Variants in PLCG2 observed in about 807,000 individuals in gnomAD.
PLCG2 encodes the protein phospholipase C gamma 2.
Under a neutral mutation model 175.6 loss-of-function variants are expected in PLCG2, and 69 were observed. That is an observed-to-expected ratio of 0.39 (90% CI 0.32 to 0.48). PLCG2 has a LOEUF of 0.48. Among genes scored for constraint, PLCG2 ranks in the 20% least tolerant of loss-of-function variants. The pLI, the probability that PLCG2 is intolerant of heterozygous loss-of-function variation, is 0.91. For missense variants in PLCG2, 1,798 were observed against 1,650.9 expected (o/e 1.09, Z -1.54); for synonymous variants, 827 against 624.0 (o/e 1.33, Z -4.85).
At chr16:81,902,909 A>C (rs1300689838) in intron 14 of PLCG2, among the ~76,000 whole-genome samples, 1 of 152,190 alleles carries the variant, frequency 6.6e-6, no homozygotes, top group African/African-American at 2.4e-5. Flanking sequence ...TTATAAAACC[A>C]GATCTCATGA....
chr16:81,853,197 G>T (rs1906506877), intron 2 of PLCG2, among the ~76,000 whole-genome samples: 1 of 152,150 alleles, frequency 6.6e-6, no homozygotes, highest in East Asian at 1.9e-4. Context: ...CGGGCATGGT[G>T]GCACATGCCT....
At chr16:81,779,901 G>T (rs79341966) in intron 1 of PLCG2, among the ~76,000 whole-genome samples, 1 of 152,196 alleles carries the variant, frequency 6.6e-6, no homozygotes, top group Non-Finnish European at 1.5e-5. Context: ...AGTCCTTCCC[G>T]GAGACTTTTG....
At chr16:81,780,310 A>T (rs538741779) in intron 1 of PLCG2, among the ~76,000 whole-genome samples, 1 of 152,284 alleles carries the variant, frequency 6.6e-6, no homozygotes, top group South Asian at 2.1e-4. Context: ...CCAATTTTCC[A>T]GGGCTGTGTC....
chr16:81,793,506 G>A (rs537959535), intron 2 of PLCG2, among the ~76,000 whole-genome samples: 15 of 152,162 alleles, frequency 9.9e-5, no homozygotes, highest in African/African-American at 9.7e-5. Flanking sequence ...GCCTGGATGC[G>A]TCCATCTCAA....
intron 2 of PLCG2, among the ~76,000 whole-genome samples, chr16:81,804,308 C>G (rs899551866): frequency 2.0e-5 from 3 of 152,200 alleles, no homozygotes; most frequent in Non-Finnish European, 2.9e-5. Flanking sequence ...GCTCATTGCT[C>G]TATCTTAAAT....
intron 2 of PLCG2, among the ~76,000 whole-genome samples, chr16:81,834,866 C>G (rs1024201630): frequency 6.6e-6 from 1 of 152,198 alleles, no homozygotes; most frequent in Non-Finnish European, 1.5e-5. Context: ...ATGGCTAACT[C>G]TGGATTCCTC....
chr16:81,961,122 G>T lies in PLCG2; in HGVS notation c.*3124G>T. On this transcript the variant is annotated 3_prime_UTR_variant, in exon 33 of 33. Coordinates refer to ENST00000564138, the MANE Select transcript of PLCG2 (RefSeq NM_002661.5). The stretch of plus-strand genomic sequence containing the variant: ...CCAAATTTTTTGCTTTCAACAAAGT[G>T]GGAGGAACAGCCTGTAGATTTCTGA... 1 of 231,258 alleles carries T rather than the reference G, an allele frequency of 4.3e-6. No homozygotes were observed. The highest frequency in any genetic ancestry group is 8.6e-6 in the Non-Finnish European group (1 of 116,838). 14.3% of individuals were successfully genotyped at this position (231,258 alleles called of 1,614,324 possible).
intron 2 of PLCG2, among the ~76,000 whole-genome samples, chr16:81,806,070 A>G (rs569285846): frequency 6.6e-6 from 1 of 152,018 alleles, no homozygotes; most frequent in Non-Finnish European, 1.5e-5. Context: ...ATGCAATATA[A>G]TTATTAACGA....
At chr16:81,781,965 G>A (rs1162777922) in intron 1 of PLCG2, among the ~76,000 whole-genome samples, 2 of 147,196 alleles carry the variant, frequency 1.4e-5, no homozygotes, top group African/African-American at 5.0e-5. Context: ...TCCGCCTCCC[G>A]GGTTCACGCC....
chr16:81,791,813 C>T (rs1470583206), intron 2 of PLCG2, among the ~76,000 whole-genome samples: 1 of 152,160 alleles, frequency 6.6e-6, no homozygotes, highest in East Asian at 1.9e-4. Context: ...GATCTGCCCA[C>T]CCTGGCCTCC....
intron 2 of PLCG2, among the ~76,000 whole-genome samples, chr16:81,849,857 A>C (rs1006960599): frequency 6.6e-6 from 1 of 152,148 alleles, no homozygotes; most frequent in Non-Finnish European, 1.5e-5. Flanking sequence ...GACTAGACAG[A>C]AAGAGAAAAG....
intron 1 of PLCG2, among the ~76,000 whole-genome samples, chr16:81,743,788 G>C (rs2143048754): frequency 6.6e-6 from 1 of 152,302 alleles, no homozygotes; most frequent in South Asian, 2.1e-4. Flanking sequence ...GACATTGTTG[G>C]AGCCCCTTGA....
rs78762417 is a variant in PLCG2 at position 81,909,341 on chromosome 16, G to A, written c.1733+750G>A. On this transcript the variant is annotated intron_variant, in intron 17 of 32. Transcript: ENST00000564138. ...TGTGAAAGTCTGTGAGGAAGGCTCT[G>A]ATGCCCTGACGTGGGGAATGGTTAG... Among the ~76,000 whole-genome samples, 1,147 of 152,336 alleles carry A rather than the reference G, an allele frequency of 7.5e-3. 5 individuals carry two copies. Among genetic ancestry groups the A allele is most frequent in the Non-Finnish European group, 9.8e-3 (668 of 68,034 alleles).
At chr16:81,938,472 G>T (rs1035185054) in intron 28 of PLCG2, 1 of 356,720 alleles carries the variant, frequency 2.8e-6, no homozygotes, top group East Asian at 4.7e-5. Flanking sequence ...CTTTCCTAGG[G>T]GTGTGGAAAT....
chr16:81,939,852 G>T, intron 29 of PLCG2, 40 bp from the exon 30 acceptor site: 1 of 1,439,876 alleles, frequency 6.9e-7, no homozygotes, highest in Non-Finnish European at 9.8e-7. Flanking sequence ...GAAGGGGGCA[G>T]CTCCAATGTG....
Position 81,746,560 on chromosome 16 carries a change from G to A in PLCG2, c.-145+7175G>A, listed in dbSNP as rs562469814. ...AGGGGATGAACAACTTTTGGATTTT[G>A]AATTTAAGTGTAGGATTTCGTTTTG... is the stretch of plus-strand genomic sequence containing the variant. On this transcript the variant is annotated intron_variant, in intron 1 of 5. Transcript: ENST00000565054. 2.4e-4 allele frequency among the ~76,000 whole-genome samples: 36 copies of A among 152,310 alleles called. No individual in the cohort carries two copies. The South Asian group carries it at 7.1e-3, about 30-fold the overall frequency.
chr16:81,831,809 C>G (rs906794138), intron 2 of PLCG2, among the ~76,000 whole-genome samples: 10 of 152,218 alleles, frequency 6.6e-5, no homozygotes, highest in Non-Finnish European at 1.5e-4. Context: ...TTCTAGCTGT[C>G]TGCAACAGGA....
At chr16:81,872,651 G>T (rs1034662615) in intron 7 of PLCG2, among the ~76,000 whole-genome samples, 3 of 152,254 alleles carry the variant, frequency 2.0e-5, no homozygotes, top group African/African-American at 7.2e-5. Context: ...TGCTGTTGTT[G>T]CTGTCAGGAA....
At chr16:81,937,396 A>C in intron 27 of PLCG2, 4 of 158,830 alleles carry the variant, frequency 2.5e-5, no homozygotes, top group Admixed American at 6.4e-5. Context: ...TGATGTATCT[A>C]CTGCAGTAGG....
Sources: allele counts gnomAD v4.1 joint callset (sites outside exome capture counted in the v4.1 genomes callset), GRCh38; gene constraint gnomAD v4.1.1; transcripts MANE v1.5; gene names NCBI Gene and HGNC (gene_info 2026-07-23, HGNC 2026-07-21).